FAP: variants seen among roughly 807,000 people sequenced by gnomAD.
The protein encoded by FAP is fibroblast activation protein alpha, also known as prolyl endopeptidase FAP.
FAP carries 110 observed loss-of-function variants against 126.5 expected under a neutral mutation model. The observed-to-expected ratio is 0.87, with a 90% CI of 0.74 to 1.02. The LOEUF is 1.02. Among genes scored for constraint, FAP ranks in the 50% least tolerant of loss-of-function variants. FAP has a pLI of 0.00. For missense variants in FAP, 919 were observed against 909.2 expected (o/e 1.01, Z -0.14); for synonymous variants, 334 against 297.3 (o/e 1.12, Z -1.27).
rs113980213 is a variant in FAP, at chr2:162,204,311, T to C, written c.1048-1166A>G. On this transcript the variant is annotated intron_variant, in intron 12 of 25. Transcript: ENST00000188790. ...ATGAAATAATTATAACTGTGTGACATTAAAATGCAACTAATTTGATGTGAT... is the reference window on the plus strand; with the variant it reads ...ATGAAATAATTATAACTGTGTGACACTAAAATGCAACTAATTTGATGTGAT... Among the ~76,000 whole-genome samples the C allele has an allele frequency of 8.5e-5, 13 of 152,314 alleles. 1 individual carries two copies. The highest frequency in any genetic ancestry group is 3.1e-4 in the African/African-American group (13 of 41,550).
In FAP at chr2:162,208,824, G is replaced by GT. The variant is rs747233676; in HGVS notation, c.1047+1127dup. On this transcript the variant is annotated intron_variant, in intron 12 of 25. Transcript: ENST00000188790. ...AGGAAAAGTGAGTTCAAATAGGAGGGTTTTTTTTTTTTTCTGAATTACATA... is the reference window on the plus strand; with the variant it reads ...AGGAAAAGTGAGTTCAAATAGGAGGGTTTTTTTTTTTTTTCTGAATTACATA... Among the ~76,000 whole-genome samples the GT allele has an allele frequency of 9.6e-3, 1,328 of 138,972 alleles. 16 individuals carry two copies. The highest frequency in any genetic ancestry group is 0.022 in the African/African-American group (869 of 38,730). 91.2% of individuals were successfully genotyped at this position (138,972 alleles called of 152,430 possible). A position where few individuals can be genotyped will look rare whatever the true frequency, so the allele number is the denominator to read the frequency against.
rs577956778 is a variant in FAP, at chr2:162,173,677, C to T, written c.2034+46G>A. The T allele has an allele frequency of 3.8e-5, 47 of 1,227,710 alleles. No homozygotes were observed. In the South Asian group the frequency reaches 5.4e-4, roughly 14 times the overall value. 76.1% of individuals were successfully genotyped at this position (1,227,710 alleles called of 1,614,324 possible). A position where few individuals can be genotyped will look rare whatever the true frequency, so the allele number is the denominator to read the frequency against. ...GAACTACTGCTTTTAAGTTATTTAG[C>T]ATATTAGAAATTAATTATTAACCTA... On this transcript the variant is annotated intron_variant, in intron 23 of 25. Transcript: ENST00000188790.
At chr2:162,178,328 A>C (rs1263404792) in intron 21 of FAP, among the ~76,000 whole-genome samples, 1 of 152,174 alleles carries the variant, frequency 6.6e-6, no homozygotes, top group African/African-American at 2.4e-5. Context: ...AATTGTGTTG[A>C]GTTTTCATTG....
chr2:162,224,371 T>C (rs755724569), intron 5 of FAP, 95 bp downstream of exon 5: 24 of 716,362 alleles, frequency 3.4e-5, no homozygotes, highest in Admixed American at 1.2e-4. Flanking sequence ...TATTTAGAGA[T>C]AAAGACAGAC....
intron 2 of FAP, among the ~76,000 whole-genome samples, chr2:162,229,439 A>G (rs956278013): frequency 2.0e-5 from 3 of 152,178 alleles, no homozygotes; most frequent in Non-Finnish European, 2.9e-5. Context: ...CAAGGCTATT[A>G]GTATATACAA....
At chr2:162,233,962 A>G (rs1233464705) in intron 2 of FAP, among the ~76,000 whole-genome samples, 1 of 152,164 alleles carries the variant, frequency 6.6e-6, no homozygotes, top group African/African-American at 2.4e-5. Flanking sequence ...CATTTGTTGA[A>G]AAGACTTTTC....
intron 11 of FAP, among the ~76,000 whole-genome samples, chr2:162,211,290 A>AG (rs1471336969): frequency 6.6e-6 from 1 of 152,174 alleles, no homozygotes; most frequent in African/African-American, 2.4e-5. Context: ...TATATGAAGC[A>AG]GAGTGCACCA....
At chr2:162,183,830 G>C (rs1687773503) in intron 20 of FAP, among the ~76,000 whole-genome samples, 1 of 152,026 alleles carries the variant, frequency 6.6e-6, no homozygotes. Flanking sequence ...CAAATCCCCA[G>C]CTATCGGAAA....
At chr2:162,209,316 T>G (rs1392650503) in intron 12 of FAP, among the ~76,000 whole-genome samples, 1 of 152,144 alleles carries the variant, frequency 6.6e-6, no homozygotes, top group East Asian at 1.9e-4. Flanking sequence ...GTATTAATTT[T>G]TATTCTTCAT....
At chr2:162,207,163 T>C (rs1448820864) in intron 12 of FAP, among the ~76,000 whole-genome samples, 4 of 152,184 alleles carry the variant, frequency 2.6e-5, no homozygotes, top group African/African-American at 7.2e-5. Flanking sequence ...AAGGAAGCTA[T>C]TAAATATACA....
chr2:162,179,003 C>T (rs901347018), intron 21 of FAP, among the ~76,000 whole-genome samples: 6 of 152,100 alleles, frequency 3.9e-5, no homozygotes, highest in African/African-American at 1.2e-4. Flanking sequence ...ATATCTGTCC[C>T]TGGTATTACT....
rs1005774276 is a variant in FAP at position 162,189,544 on chromosome 2, A to C, written c.1549+112T>G. 4 of 633,320 alleles carry C rather than the reference A, an allele frequency of 6.3e-6. No homozygotes were observed. In the South Asian group the frequency reaches 7.6e-5, roughly 12 times the overall value. The allele number at this position is 633,320 out of a possible 1,614,324, so 39.2% of individuals were successfully genotyped here. The stretch of plus-strand genomic sequence containing the variant: ...AAGATTATTTTAAATGAAATCCTGT[A>C]ATATTAATAGATCGCAGAATTTGCA... On this transcript the variant is annotated intron_variant, in intron 18 of 25. Transcript: ENST00000188790.
chr2:162,172,358 A>C, intron 25 of FAP: 1 of 157,476 alleles, frequency 6.4e-6, no homozygotes, highest in East Asian at 1.8e-4. Context: ...GAGAATACAT[A>C]GGTGAAAAGT....
chr2:162,176,162 AAG>A (rs150038078), intron 21 of FAP: 23 of 150,230 alleles, frequency 1.5e-4, no homozygotes, highest in Non-Finnish European at 1.6e-4. Context: ...CAGTGTGAGA[AAG>A]AGAGAGAGAG....
At position 162,219,753 on chromosome 2, in the gene FAP, A is replaced by AT. The variant is rs564423425; in HGVS notation, c.486+99dup. On this transcript the variant is annotated intron_variant, in intron 7 of 25. Transcript: ENST00000188790. ...TAACCACTAAAATAGTCATGAATGT[A>AT]TTTTTTTTTCTTTCAGGCAGGGAAA... The AT allele has an allele frequency of 9.7e-4, 761 of 780,878 alleles. 1 individual carries two copies. Among genetic ancestry groups the AT allele is most frequent in the African/African-American group, 1.7e-3 (99 of 56,654 alleles). The allele number at this position is 780,878 out of a possible 1,614,324, so 48.4% of individuals were successfully genotyped here.
At chr2:162,192,876 A>T (rs1332557712) in intron 17 of FAP, among the ~76,000 whole-genome samples, 1 of 152,124 alleles carries the variant, frequency 6.6e-6, no homozygotes, top group Non-Finnish European at 1.5e-5. Context: ...TATCATTAGT[A>T]AACATTTCCT....
At chr2:162,198,903 A>G (rs1222367501) in intron 15 of FAP, 22 bp from the exon 16 acceptor site, 1 of 1,610,028 alleles carries the variant, frequency 6.2e-7, no homozygotes, top group Admixed American at 1.7e-5. Flanking sequence ...TGAAAATAAA[A>G]CTAAGCTGAA....
intron 13 of FAP, 41 bp from the exon 14 acceptor site, chr2:162,202,983 T>C: frequency 6.2e-7 from 1 of 1,601,664 alleles, no homozygotes; most frequent in Admixed American, 1.7e-5. Context: ...AACTGAGCGT[T>C]ATTTGAGCAA....
Position 162,173,136 on chromosome 2 carries a change from G to A in FAP, c.2107+13C>T. ...CAGTATTTTTATGTGTAAGAGTCTT[G>A]CTTAAACCTCACCATCTGCTGTTCC... On this transcript the variant is annotated intron_variant, in intron 24 of 25. Transcript: ENST00000188790. 6.2e-7 allele frequency: 1 copy of A among 1,607,600 alleles called. No homozygotes were observed. Among genetic ancestry groups the A allele is most frequent in the Non-Finnish European group, 8.5e-7 (1 of 1,174,234 alleles).
Sources: gnomAD v4.1 joint callset for allele counts (sites outside exome capture counted in the v4.1 genomes callset) on GRCh38, gnomAD v4.1.1 for gene constraint, MANE v1.5 for transcripts, NCBI Gene and HGNC (gene_info 2026-07-23, HGNC 2026-07-21) for gene names.